Variants in LTBP1 observed in about 807,000 individuals in gnomAD.
The protein encoded by LTBP1 is latent transforming growth factor beta binding protein 1.
A neutral mutation model predicts 207.6 loss-of-function variants in LTBP1; 129 were observed. The ratio of observed to expected loss-of-function variants is 0.62; its 90% CI spans 0.54 to 0.72. The LOEUF (loss-of-function observed/expected upper bound fraction) is 0.72. Ranked by LOEUF, LTBP1 falls within the 30% of genes least tolerant of loss-of-function variation. The pLI, the probability that LTBP1 is intolerant of heterozygous loss-of-function variation, is 0.00. For missense variants in LTBP1, 2,281 were observed against 2,217.2 expected (o/e 1.03, Z -0.58); for synonymous variants, 963 against 833.7 (o/e 1.16, Z -2.67).
chr2:33,024,044 G>A (rs905619383), intron 3 of LTBP1, among the ~76,000 whole-genome samples: 2 of 152,124 alleles, frequency 1.3e-5, no homozygotes, highest in African/African-American at 4.8e-5. Flanking sequence ...TACGTTCATT[G>A]TGTGTCACAT....
intron 5 of LTBP1, among the ~76,000 whole-genome samples, chr2:33,183,673 A>C (rs927649379): frequency 1.3e-5 from 2 of 152,190 alleles, no homozygotes; most frequent in South Asian, 4.1e-4. Flanking sequence ...TTTGTAGTAC[A>C]TTTAAAGCTG....
intron 2 of LTBP1, among the ~76,000 whole-genome samples, chr2:33,004,974 A>G (rs995533932): frequency 6.6e-6 from 1 of 151,952 alleles, no homozygotes; most frequent in African/African-American, 2.4e-5. Flanking sequence ...ATGGAGGCCT[A>G]TGCTGGGTCT....
intron 9 of LTBP1, among the ~76,000 whole-genome samples, chr2:33,223,991 C>G (rs1402458490): frequency 6.6e-6 from 1 of 152,180 alleles, no homozygotes; most frequent in African/African-American, 2.4e-5. Flanking sequence ...GGGGCTAAAA[C>G]TTATGTGAAA....
At chr2:33,277,511 G>A (rs577954369) in intron 18 of LTBP1, among the ~76,000 whole-genome samples, 94 of 152,136 alleles carry the variant, frequency 6.2e-4, no homozygotes, top group African/African-American at 2.1e-3. Flanking sequence ...AACTTTCCAG[G>A]TTTTCATGAA....
At chr2:33,110,821 A>G in intron 4 of LTBP1, 70 bp downstream of exon 4, 1 of 1,421,200 alleles carries the variant, frequency 7.0e-7, no homozygotes, top group Non-Finnish European at 9.6e-7. Flanking sequence ...TGTTCAGTGT[A>G]GACGGCTTTA....
chr2:33,224,504 A>T (rs1020454714), intron 9 of LTBP1, among the ~76,000 whole-genome samples: 1 of 152,168 alleles, frequency 6.6e-6, no homozygotes, highest in Non-Finnish European at 1.5e-5. Flanking sequence ...AGATAGTTTT[A>T]TGGTGTTATT....
intron 3 of LTBP1, among the ~76,000 whole-genome samples, chr2:33,081,381 G>A (rs980099191): frequency 5.9e-5 from 9 of 152,032 alleles, no homozygotes; most frequent in African/African-American, 2.2e-4. Flanking sequence ...ACACACATGT[G>A]CCCACATGTA....
At position 33,397,197 on chromosome 2, in the gene LTBP1, T is replaced by C. The variant is rs1242802480; in HGVS notation, c.4899T>C (p.Asn1633=). 3.7e-6 allele frequency: 6 copies of C among 1,614,044 alleles called. No individual in the cohort carries two copies. Among genetic ancestry groups the C allele is most frequent in the African/African-American group, 1.3e-5 (1 of 74,924 alleles). ...GCGGCATCCTCAATGGATGTGAAAA[T>C]GGTCGCTGTGTGAGGGTCCAGGAAG... ...EECGILNGCE[N]GRCVRVQEGY... Residue 1633 remains asparagine (N), a synonymous_variant, in exon 33 of 34, where the codon AAT becomes AAC. Coordinates refer to ENST00000404816, the MANE Select transcript of LTBP1 (RefSeq NM_206943.4).
intron 24 of LTBP1, among the ~76,000 whole-genome samples, chr2:33,341,805 T>C (rs563138692): frequency 5.8e-4 from 88 of 150,574 alleles, no homozygotes; most frequent in African/African-American, 2.1e-3. Context: ...ATAGTAACTC[T>C]CCCCAAACTA....
intron 2 of LTBP1, among the ~76,000 whole-genome samples, chr2:32,949,363 A>T (rs1676761666): frequency 6.6e-6 from 1 of 152,212 alleles, no homozygotes; most frequent in African/African-American, 2.4e-5. Flanking sequence ...CCTGTTCTGG[A>T]GTACAACATC....
chr2:33,274,888 G>A, intron 16 of LTBP1, 77 bp from the exon 17 acceptor site: 1 of 1,429,808 alleles, frequency 7.0e-7, no homozygotes, highest in South Asian at 1.2e-5. Flanking sequence ...GGAATAGTAT[G>A]ATGGTATTTT....
At chr2:33,348,856 T>C (rs542035548) in intron 26 of LTBP1, among the ~76,000 whole-genome samples, 2 of 152,350 alleles carry the variant, frequency 1.3e-5, no homozygotes, top group East Asian at 1.9e-4. Flanking sequence ...AACCAATAAC[T>C]AATTGAGCTT....
At chr2:33,017,386 G>T (rs992550466) in intron 2 of LTBP1, among the ~76,000 whole-genome samples, 1 of 152,132 alleles carries the variant, frequency 6.6e-6, no homozygotes, top group Non-Finnish European at 1.5e-5. Context: ...CATCGACGTC[G>T]CTTGGAGGGC....
chr2:33,200,495 A>C (rs1436896590), intron 7 of LTBP1, among the ~76,000 whole-genome samples: 1 of 152,228 alleles, frequency 6.6e-6, no homozygotes, highest in Non-Finnish European at 1.5e-5. Flanking sequence ...TTAAAGACTT[A>C]AACGTTAGAC....
intron 3 of LTBP1, among the ~76,000 whole-genome samples, chr2:33,026,458 T>C (rs556926696): frequency 2.7e-4 from 41 of 152,346 alleles, no homozygotes; most frequent in African/African-American, 9.6e-4. Flanking sequence ...TCCTTGTCTA[T>C]GGATTGTTTC....
chr2:33,003,688 C>T (rs1686370103), intron 2 of LTBP1, among the ~76,000 whole-genome samples: 1 of 152,182 alleles, frequency 6.6e-6, no homozygotes, highest in African/African-American at 2.4e-5. Flanking sequence ...TAGCTCTGGG[C>T]ATCCATTTTA....
intron 3 of LTBP1, among the ~76,000 whole-genome samples, chr2:33,102,276 T>A (rs2079782215): frequency 6.6e-6 from 1 of 152,084 alleles, no homozygotes; most frequent in African/African-American, 2.4e-5. Context: ...CTTTTTCTGT[T>A]GGGGTGGGGG....
chr2:33,029,174 G>T (rs1392133294), intron 3 of LTBP1, among the ~76,000 whole-genome samples: 5 of 152,082 alleles, frequency 3.3e-5, no homozygotes. Context: ...ATTTATCCTG[G>T]GCACTTGCTA....
intron 3 of LTBP1, among the ~76,000 whole-genome samples, chr2:33,088,254 C>T (rs1473200222): frequency 6.6e-6 from 1 of 152,162 alleles, no homozygotes; most frequent in East Asian, 1.9e-4. Flanking sequence ...AAGTTCGAGA[C>T]CAGCTTGGCC....
Sources: gnomAD v4.1 joint callset for allele counts (sites outside exome capture counted in the v4.1 genomes callset) on GRCh38, gnomAD v4.1.1 for gene constraint, MANE v1.5 for transcripts, NCBI Gene and HGNC (gene_info 2026-07-23, HGNC 2026-07-21) for gene names.